LSAMP: variants seen among roughly 807,000 people sequenced by gnomAD.
LSAMP encodes the protein limbic system associated membrane protein, also known as limbic system-associated membrane protein.
LSAMP carries 7 observed loss-of-function variants against 38.6 expected under a neutral mutation model. The observed-to-expected ratio is 0.18, with a 90% CI of 0.10 to 0.34. The LOEUF (loss-of-function observed/expected upper bound fraction) is 0.34. Ranked by LOEUF, LSAMP falls within the 10% of genes least tolerant of loss-of-function variation. LSAMP has a pLI of 1.00. For synonymous variants in LSAMP, 154 were observed against 166.8 expected (o/e 0.92, Z 0.59); for missense variants, 313 against 420.0 (o/e 0.75, Z 2.23).
At chr3:116,315,944 G>GA (rs944234319) in intron 1 of LSAMP, among the ~76,000 whole-genome samples, 10 of 152,188 alleles carry the variant, frequency 6.6e-5, no homozygotes, top group African/African-American at 2.4e-4. Context: ...CATTCAGAGG[G>GA]AAAAAAAGTT....
intron 1 of LSAMP, among the ~76,000 whole-genome samples, chr3:116,373,267 A>C (rs188696320): frequency 7.9e-5 from 12 of 151,602 alleles, no homozygotes; most frequent in African/African-American, 2.7e-4. Flanking sequence ...ATATGATTCA[A>C]ACTTAAAAAC....
chr3:116,443,870 A>G (rs565587018), intron 1 of LSAMP, among the ~76,000 whole-genome samples: 2 of 152,314 alleles, frequency 1.3e-5, no homozygotes, highest in East Asian at 3.9e-4. Flanking sequence ...AGGGGTAGGT[A>G]CAGTTGGTGG....
At chr3:116,274,084 G>A (rs1156872355) in intron 1 of LSAMP, among the ~76,000 whole-genome samples, 1 of 151,958 alleles carries the variant, frequency 6.6e-6, no homozygotes, top group African/African-American at 2.4e-5. Flanking sequence ...TTTCTGGACT[G>A]TTCTCTCTCA....
chr3:116,273,713 C>T (rs192715938), intron 1 of LSAMP, among the ~76,000 whole-genome samples: 850 of 48,488 alleles, frequency 0.018, 26 homozygotes, highest in African/African-American at 0.074. Context: ...TATATACACA[C>T]ACACACACAC....
intron 1 of LSAMP, among the ~76,000 whole-genome samples, chr3:116,340,961 A>G (rs1188688031): frequency 1.3e-5 from 2 of 152,038 alleles, no homozygotes; most frequent in Non-Finnish European, 2.9e-5. Context: ...TATATGTATC[A>G]TCCTCAGTCC....
At chr3:116,290,140 G>T (rs2047245030) in intron 1 of LSAMP, among the ~76,000 whole-genome samples, 1 of 152,110 alleles carries the variant, frequency 6.6e-6, no homozygotes, top group Non-Finnish European at 1.5e-5. Context: ...CTTTGAGTGG[G>T]TATACAACTC....
chr3:116,007,338 T>C (rs1297009103), intron 3 of LSAMP, among the ~76,000 whole-genome samples: 1 of 152,134 alleles, frequency 6.6e-6, no homozygotes, highest in South Asian at 2.1e-4. Context: ...TTAAGTGACA[T>C]GGGGTAATTT....
chr3:115,857,379 T>C (rs984043566), intron 3 of LSAMP, among the ~76,000 whole-genome samples: 2 of 152,190 alleles, frequency 1.3e-5, no homozygotes, highest in East Asian at 1.9e-4. Context: ...CTACCAATAA[T>C]GTCTTTTATT....
intron 3 of LSAMP, among the ~76,000 whole-genome samples, chr3:115,911,904 G>A (rs1937144101): frequency 6.6e-6 from 1 of 152,058 alleles, no homozygotes. Flanking sequence ...CTCTCATTGT[G>A]GCTTTAATTT....
At chr3:116,235,241 G>C (rs1468382915) in intron 1 of LSAMP, among the ~76,000 whole-genome samples, 2 of 151,738 alleles carry the variant, frequency 1.3e-5, no homozygotes, top group Non-Finnish European at 2.9e-5. Flanking sequence ...CAGCCTCCCA[G>C]GTAGTTAGGA....
At chr3:116,351,283 C>T (rs2048135858) in intron 1 of LSAMP, among the ~76,000 whole-genome samples, 1 of 151,948 alleles carries the variant, frequency 6.6e-6, no homozygotes, top group Non-Finnish European at 1.5e-5. Flanking sequence ...GTTTATTTCC[C>T]ACACCCTACC....
chr3:116,080,572 A>G (rs889854335), intron 2 of LSAMP, among the ~76,000 whole-genome samples: 1 of 152,228 alleles, frequency 6.6e-6, no homozygotes, highest in African/African-American at 2.4e-5. Context: ...TTAAAACTGC[A>G]TGAGGCAATA....
At chr3:116,147,467 G>A (rs1419674639) in intron 1 of LSAMP, among the ~76,000 whole-genome samples, 1 of 151,786 alleles carries the variant, frequency 6.6e-6, no homozygotes, top group African/African-American at 2.4e-5. Context: ...TTTTAAAATG[G>A]TCAAGAAAGT....
intron 4 of LSAMP, among the ~76,000 whole-genome samples, chr3:115,848,471 G>T (rs929895196): frequency 6.6e-6 from 1 of 152,178 alleles, no homozygotes; most frequent in African/African-American, 2.4e-5. Flanking sequence ...TTCTCATTAG[G>T]TGATTTTTGA....
intron 6 of LSAMP, among the ~76,000 whole-genome samples, chr3:115,837,653 G>T (rs2107495802): frequency 6.6e-6 from 1 of 151,614 alleles, no homozygotes; most frequent in East Asian, 1.9e-4. Flanking sequence ...CTCGTTGAGT[G>T]AAAAAAGGAG....
intron 2 of LSAMP, among the ~76,000 whole-genome samples, chr3:116,027,879 A>G (rs916234979): frequency 2.6e-5 from 4 of 152,146 alleles, no homozygotes; most frequent in African/African-American, 9.7e-5. Flanking sequence ...TACTCAATTC[A>G]AAGTGCCATT....
intron 1 of LSAMP, among the ~76,000 whole-genome samples, chr3:116,438,942 C>T (rs190024807): frequency 2.2e-4 from 34 of 152,254 alleles, no homozygotes; most frequent in African/African-American, 6.7e-4. Context: ...ATTTCTCAAA[C>T]GATACAATGT....
chr3:116,136,414 G>T (rs1344319074), intron 1 of LSAMP, among the ~76,000 whole-genome samples: 1 of 152,042 alleles, frequency 6.6e-6, no homozygotes, highest in African/African-American at 2.4e-5. Context: ...CATCATAAAA[G>T]AACAAAATGC....
chr3:115,870,802 C>T (rs1186112357), intron 3 of LSAMP, among the ~76,000 whole-genome samples: 1 of 152,140 alleles, frequency 6.6e-6, no homozygotes, highest in Non-Finnish European at 1.5e-5. Context: ...GCTGCATTAG[C>T]TGTGGAGTTG....
Sources: gnomAD v4.1 joint callset for allele counts (sites outside exome capture counted in the v4.1 genomes callset) on GRCh38, gnomAD v4.1.1 for gene constraint, MANE v1.5 for transcripts, NCBI Gene and HGNC (gene_info 2026-07-23, HGNC 2026-07-21) for gene names.